MRPL10: variants seen among roughly 807,000 people sequenced by gnomAD.
MRPL10 encodes large ribosomal subunit protein uL10m.
A neutral mutation model predicts 19.8 loss-of-function variants in MRPL10; 14 were observed. The ratio of observed to expected loss-of-function variants is 0.71; its 90% CI spans 0.47 to 1.11. MRPL10 has a LOEUF of 1.11. Among genes scored for constraint, MRPL10 ranks in the 50% least tolerant of loss-of-function variants. The pLI is 0.00. For missense variants in MRPL10, 318 were observed against 339.6 expected, an observed-to-expected ratio of 0.94 and a Z score of 0.50; for synonymous variants, 129 against 139.2, an observed-to-expected ratio of 0.93 and a Z score of 0.52.
rs759485674 is a variant in MRPL10 at position 47,827,207 on chromosome 17, G to C, written c.223-3C>G. ...AGAAGCCTGATGAGGCCTATCTCCTGAAGTTGGAAAGCAATGACCAAGGGT... is the reference window on the plus strand; with the variant it reads ...AGAAGCCTGATGAGGCCTATCTCCTCAAGTTGGAAAGCAATGACCAAGGGT... On this transcript the variant is annotated splice_region_variant and splice_polypyrimidine_tract_variant and intron_variant, in intron 2 of 4. Coordinates refer to ENST00000351111, the MANE Select transcript of MRPL10 (RefSeq NM_145255.4). 25 of 1,601,338 alleles carry C rather than the reference G, an allele frequency of 1.6e-5. No homozygotes were observed. The highest frequency in any genetic ancestry group is 2.0e-5 in the Non-Finnish European group (23 of 1,174,494).
At chr17:47,825,048 G>A (rs59111282) in intron 4 of MRPL10, among the ~76,000 whole-genome samples, 2 of 148,008 alleles carry the variant, frequency 1.4e-5, no homozygotes, top group Middle Eastern at 3.8e-3. Context: ...TCAGGATGAG[G>A]TTGGGTACGG....
At position 47,826,549 on chromosome 17, in the gene MRPL10, A is replaced by T. The variant is rs2033535377; in HGVS notation, c.532+88T>A. The T allele has an allele frequency of 3.3e-6, 5 of 1,521,998 alleles. No individual in the cohort carries two copies. The Admixed American group carries it at 5.5e-5, about 17-fold the overall frequency. 94.3% of individuals were successfully genotyped at this position (1,521,998 alleles called of 1,614,324 possible). A position where few individuals can be genotyped will look rare whatever the true frequency, so the allele number is the denominator to read the frequency against. ...TCCGTGAAAGGATGCTCTCTCCAAG[A>T]ACGTTCACGGTTTTACCAAGACAAG... On this transcript the variant is annotated intron_variant, in intron 4 of 4. Transcript: ENST00000351111.
chr17:47,824,919 C>T (rs2143584007), intron 4 of MRPL10, among the ~76,000 whole-genome samples: 1 of 146,922 alleles, frequency 6.8e-6, no homozygotes, highest in African/African-American at 2.5e-5. Flanking sequence ...GAGGCTGAGG[C>T]AGGAGAATCG....
In MRPL10 at chr17:47,824,627, C is replaced by T. The variant is rs558097820; in HGVS notation, c.533-169G>A. Among the ~76,000 whole-genome samples, 17 of 152,296 alleles carry T rather than the reference C, an allele frequency of 1.1e-4. No homozygotes were observed. The East Asian group carries it at 2.9e-3, about 26-fold the overall frequency. On this transcript the variant is annotated intron_variant, in intron 4 of 4. Transcript: ENST00000351111. ...CACACCCACTCTGCTTGGGATCGATCCCTACTTCTTCACTCTTCCCTCAGA... is the reference window on the plus strand; with the variant it reads ...CACACCCACTCTGCTTGGGATCGATTCCTACTTCTTCACTCTTCCCTCAGA...
At chr17:47,825,700 T>C (rs1201791974) in intron 4 of MRPL10, among the ~76,000 whole-genome samples, 3 of 152,226 alleles carry the variant, frequency 2.0e-5, no homozygotes, top group Non-Finnish European at 2.9e-5. Flanking sequence ...CAAAACGTTC[T>C]GGAGATGGAT....
At position 47,831,484 on chromosome 17, in the gene MRPL10, G is replaced by C. The variant is rs2033630464; in HGVS notation, c.28C>G (p.Arg10Gly). The C allele has an allele frequency of 6.5e-7, 1 of 1,548,750 alleles. No homozygotes were observed. Among genetic ancestry groups the C allele is most frequent in the Non-Finnish European group, 8.7e-7 (1 of 1,146,660 alleles). The change falls in exon 1 of 5, where the codon CGA becomes GGA. Residue 10 changes from arginine to glycine, a missense_variant. By Grantham distance (125) the Arg-to-Gly change is moderately radical. Transcript: ENST00000351111. ...CCCGCCTGGGGCAGGAGACCCCCTC[G>C]CAGCATCCCCGCCACGGCCGCAGCC... MAAAVAGML[R>G]GGLLPQAGRL...
chr17:47,826,535 A>G, intron 4 of MRPL10, 102 bp downstream of exon 4: 1 of 1,422,962 alleles, frequency 7.0e-7, no homozygotes, highest in Non-Finnish European at 9.7e-7. Context: ...CCGTGAAAGG[A>G]TGCTCTCTCC....
Position 47,826,888 on chromosome 17 carries a change from A to G in MRPL10, c.388-107T>C, listed in dbSNP as rs1461543232. 26 of 1,518,226 alleles carry G rather than the reference A, an allele frequency of 1.7e-5. No individual in the cohort carries two copies. The African/African-American group carries it at 3.4e-4, about 20-fold the overall frequency. 94.0% of individuals were successfully genotyped at this position (1,518,226 alleles called of 1,614,324 possible). ...GAGGGTGCAACCCAAGGGTCTTCTC[A>G]GCCCCTAATCATAGGTTAGACACCA... is the stretch of plus-strand genomic sequence containing the variant. On this transcript the variant is annotated intron_variant, in intron 3 of 4. Transcript: ENST00000351111.
intron 1 of MRPL10, among the ~76,000 whole-genome samples, chr17:47,831,037 A>G (rs1287997427): frequency 6.6e-6 from 1 of 152,228 alleles, no homozygotes; most frequent in Non-Finnish European, 1.5e-5. Context: ...ACAAATATCT[A>G]CCGCACGCTT....
intron 2 of MRPL10, among the ~76,000 whole-genome samples, chr17:47,828,125 C>G (rs2033564588): frequency 6.6e-6 from 1 of 151,608 alleles, no homozygotes; most frequent in South Asian, 2.1e-4. Context: ...ATCACTTGAA[C>G]CTGGGAGGCA....
At chr17:47,826,200 G>T (rs1393258752) in intron 4 of MRPL10, among the ~76,000 whole-genome samples, 6 of 144,840 alleles carry the variant, frequency 4.1e-5, no homozygotes, top group Non-Finnish European at 9.0e-5. Context: ...TCCCTACAGA[G>T]ACCTGTGAAA....
In MRPL10 at chr17:47,826,660, G is replaced by A. The variant is rs2033537240; in HGVS notation, c.509C>T (p.Thr170Ile). 1 of 1,613,792 alleles carries A rather than the reference G, an allele frequency of 6.2e-7. No individual in the cohort carries two copies. Among genetic ancestry groups the A allele is most frequent in the African/African-American group, 1.3e-5 (1 of 74,924 alleles). ...ACCTAGCAGCGGCAGGAATGGCACA[G>A]TCCTTAAGATCCGTACCATCTCCTT... is the stretch of plus-strand genomic sequence containing the variant. ...KVKEMVRILR[T>I]VPFLPLLGGC... The change falls in exon 4 of 5, where the codon ACT becomes ATT. Residue 170 changes from threonine (T) to isoleucine (I), a missense_variant. Physicochemically the swap from Thr to Ile is moderately conservative, Grantham distance 89. Coordinates refer to ENST00000351111, the MANE Select transcript of MRPL10 (RefSeq NM_145255.4).
At position 47,827,143 on chromosome 17, in the gene MRPL10, A is replaced by G; in HGVS notation, c.284T>C (p.Met95Thr). 2 of 1,614,126 alleles carry G rather than the reference A, an allele frequency of 1.2e-6. No homozygotes were observed. The highest frequency in any genetic ancestry group is 1.7e-6 in the Non-Finnish European group (2 of 1,179,984). The change falls in exon 3 of 5, where the codon ATG becomes ACG. Residue 95 changes from methionine (M) to threonine (T), a missense_variant. Physicochemically the swap from Met to Thr is moderately conservative, Grantham distance 81. Transcript: ENST00000351111. ...EIAAVFQDNR[M>T]IAVCQNVALS... ...AGCCACATTCTGGCAGACGGCTATC[A>G]TTCGGTTGTCCTGGAAAACTGCTGC...
Position 47,824,223 on chromosome 17 carries a change from G to A in MRPL10, c.768C>T (p.Asp256=). Residue 256 remains aspartate, a synonymous_variant, in exon 5 of 5, where the codon GAC becomes GAT. Coordinates refer to ENST00000351111, the MANE Select transcript of MRPL10 (RefSeq NM_145255.4). The part of the protein sequence containing the change: ...VMSANGKPDP[D]TVPDS ...AGGCTGGCTACGAGTCCGGAACAGT[G>A]TCAGGATCTGGCTTCCCATTGGCCG... is the stretch of plus-strand genomic sequence containing the variant. The A allele has an allele frequency of 6.2e-7, 1 of 1,614,192 alleles. No individual in the cohort carries two copies. The highest frequency in any genetic ancestry group is 8.5e-7 in the Non-Finnish European group (1 of 1,180,036).
chr17:47,831,237 G>A lies in MRPL10; in HGVS notation c.52+223C>T, dbSNP rs548454995. The A allele has an allele frequency of 3.3e-5, 41 of 1,252,484 alleles. No individual in the cohort carries two copies. In the African/African-American group the frequency reaches 6.1e-4, roughly 19 times the overall value. The allele number at this position is 1,252,484 out of a possible 1,614,324, so 77.6% of individuals were successfully genotyped here. Reference sequence around the variant, plus strand: ...ATTAAGATGGAGACATAATGCAAAGGTCTGGGCGAGGAGTGGTCCAGGCAA... The same window carrying A: ...ATTAAGATGGAGACATAATGCAAAGATCTGGGCGAGGAGTGGTCCAGGCAA... On this transcript the variant is annotated intron_variant, in intron 1 of 4. Coordinates refer to ENST00000351111, the MANE Select transcript of MRPL10 (RefSeq NM_145255.4).
intron 2 of MRPL10, 62 bp from the exon 3 acceptor site, chr17:47,827,266 C>T (rs918932908): frequency 7.3e-6 from 11 of 1,497,794 alleles, no homozygotes; most frequent in East Asian, 2.3e-5. Flanking sequence ...CAACGTTGCT[C>T]CCTCTGTGGT....
Position 47,831,306 on chromosome 17 carries a change from A to T in MRPL10, c.52+154T>A, listed in dbSNP as rs1054324673. 6 of 1,530,352 alleles carry T rather than the reference A, an allele frequency of 3.9e-6. No homozygotes were observed. In the African/African-American group the frequency reaches 5.5e-5, roughly 14 times the overall value. 94.8% of individuals were successfully genotyped at this position (1,530,352 alleles called of 1,614,324 possible). ...ACAACATCTGGACGTTGTTGCTGTG[A>T]TTACCAGTCGAGTCACAAGGAACTG... is the stretch of plus-strand genomic sequence containing the variant. On this transcript the variant is annotated intron_variant, in intron 1 of 4. Coordinates refer to ENST00000351111, the MANE Select transcript of MRPL10 (RefSeq NM_145255.4).
intron 3 of MRPL10, 33 bp downstream of exon 3, chr17:47,827,007 T>C: frequency 6.3e-7 from 1 of 1,581,858 alleles, no homozygotes. Flanking sequence ...GGGGGGAAGA[T>C]GGGCAACCCA....
intron 1 of MRPL10, among the ~76,000 whole-genome samples, chr17:47,830,942 T>C (rs1358120536): frequency 6.6e-6 from 1 of 152,224 alleles, no homozygotes; most frequent in Admixed American, 6.5e-5. Context: ...ATTTAAATGA[T>C]TTAAAAGATT....
Sources: allele counts gnomAD v4.1 joint callset (sites outside exome capture counted in the v4.1 genomes callset), GRCh38; gene constraint gnomAD v4.1.1; transcripts MANE v1.5; gene names NCBI Gene and HGNC (gene_info 2026-07-23, HGNC 2026-07-21).